Variants in SYNJ1 observed in about 807,000 individuals in gnomAD.
SYNJ1 encodes synaptojanin 1.
In SYNJ1, 78 loss-of-function variants were observed where a neutral mutation model predicts 168.2. That is an observed-to-expected ratio of 0.46 (90% CI 0.39 to 0.56). SYNJ1 has a LOEUF of 0.56. Ranked by LOEUF, SYNJ1 falls within the 20% of genes least tolerant of loss-of-function variation. The probability of loss-of-function intolerance (pLI) is 0.00; values close to 1 mark genes in which losing one functional copy is unlikely to be tolerated. For missense variants in SYNJ1, 1,303 were observed against 1,597.6 expected (o/e 0.82, Z 3.14); for synonymous variants, 539 against 548.6 (o/e 0.98, Z 0.24).
rs2040137064 is a variant in SYNJ1 at position 32,648,010 on chromosome 21, A to C, written c.3038-1408T>G. 2.0e-5 allele frequency among the ~76,000 whole-genome samples: 3 copies of C among 152,172 alleles called. No homozygotes were observed. The South Asian group carries it at 6.2e-4, about 31-fold the overall frequency. On this transcript the variant is annotated intron_variant, in intron 23 of 32. Coordinates refer to ENST00000674351, the MANE Select transcript of SYNJ1 (RefSeq NM_203446.3). ...CTTCACAGAGAAGAGGGAAGTCTTA[A>C]GATGGGAACCCCTACTTCAACAGCC...
intron 13 of SYNJ1, 78 bp downstream of exon 13, chr21:32,676,254 T>A (rs765445824): frequency 1.8e-5 from 21 of 1,186,304 alleles, no homozygotes; most frequent in Non-Finnish European, 2.5e-5. Flanking sequence ...TTATATGGCT[T>A]TATTTGTTTA....
At position 32,700,021 on chromosome 21, in the gene SYNJ1, G is replaced by A; in HGVS notation, c.296C>T (p.Thr99Ile). The A allele has an allele frequency of 6.2e-7, 1 of 1,614,162 alleles. No individual in the cohort carries two copies. Among genetic ancestry groups the A allele is most frequent in the Non-Finnish European group, 8.5e-7 (1 of 1,180,038 alleles). ...TCGCAGTGATATAAACTCAGTGGAA[G>A]TAACTCGGAAAACTTCAGATTCTTG... The part of the protein sequence containing the change: ...KIQESEVFRV[T>I]STEFISLRID... The change falls in exon 4 of 33, where the codon ACT (threonine) becomes ATT (isoleucine). Residue 99 changes from threonine to isoleucine, a missense_variant. Physicochemically the swap from Thr to Ile is moderately conservative, Grantham distance 89. Around this residue, in one of 2 missense-constraint regions of SYNJ1, gnomAD observed 920 missense variants for 1,208.8 expected, o/e 0.76. Coordinates refer to ENST00000674351, the MANE Select transcript of SYNJ1 (RefSeq NM_203446.3).
chr21:32,664,162 C>T (rs547195961), intron 18 of SYNJ1, among the ~76,000 whole-genome samples: 14 of 152,320 alleles, frequency 9.2e-5, no homozygotes, highest in African/African-American at 3.1e-4. Context: ...TGATAAAAAG[C>T]TTCATCACTA....
chr21:32,670,864 G>A, intron 14 of SYNJ1: 1 of 947,924 alleles, frequency 1.1e-6, no homozygotes, highest in Non-Finnish European at 1.3e-6. Flanking sequence ...GGAAAACTAG[G>A]AGAGATCCAG....
chr21:32,713,633 T>A lies in SYNJ1; in HGVS notation c.125-11586A>T, dbSNP rs566955627. On this transcript the variant is annotated intron_variant, in intron 2 of 32. Coordinates refer to ENST00000674351, the MANE Select transcript of SYNJ1 (RefSeq NM_203446.3). The stretch of plus-strand genomic sequence containing the variant: ...ATATGTCAACATGGATGATTTCCCA[T>A]ATGTCAACATGGATGATTTCCCATA... Among the ~76,000 whole-genome samples, 8 of 147,940 alleles carry A rather than the reference T, an allele frequency of 5.4e-5. No individual in the cohort carries two copies. In the East Asian group the frequency reaches 1.4e-3, roughly 26 times the overall value.
intron 4 of SYNJ1, among the ~76,000 whole-genome samples, chr21:32,698,554 T>C (rs1300720551): frequency 6.6e-6 from 1 of 152,194 alleles, no homozygotes; most frequent in Non-Finnish European, 1.5e-5. Context: ...GCACATGATA[T>C]CAAGAGAAAA....
At chr21:32,647,408 T>C (rs2040115754) in intron 23 of SYNJ1, among the ~76,000 whole-genome samples, 3 of 152,212 alleles carry the variant, frequency 2.0e-5, no homozygotes, top group South Asian at 4.1e-4. Flanking sequence ...ACTCGTTCAA[T>C]AGCAAAATGC....
At chr21:32,706,065 G>A (rs1361909604) in intron 2 of SYNJ1, among the ~76,000 whole-genome samples, 2 of 152,098 alleles carry the variant, frequency 1.3e-5, no homozygotes, top group Non-Finnish European at 2.9e-5. Flanking sequence ...AAGACACTAT[G>A]AAAAAAGCAC....
At chr21:32,661,221 C>T (rs545073474) in intron 18 of SYNJ1, among the ~76,000 whole-genome samples, 4 of 152,286 alleles carry the variant, frequency 2.6e-5, no homozygotes, top group African/African-American at 9.6e-5. Flanking sequence ...TAGGCCGGTA[C>T]TTCTACATCT....
At chr21:32,712,031 A>T (rs2042847802) in intron 2 of SYNJ1, among the ~76,000 whole-genome samples, 1 of 152,256 alleles carries the variant, frequency 6.6e-6, no homozygotes, top group South Asian at 2.1e-4. Context: ...TAAATAATAA[A>T]GCCATCCAAA....
intron 32 of SYNJ1, 68 bp from the exon 33 acceptor site, chr21:32,631,869 C>G: frequency 1.5e-6 from 2 of 1,363,478 alleles, no homozygotes; most frequent in Non-Finnish European, 2.0e-6. Flanking sequence ...TTCTTCCTGT[C>G]TCAATTATTC....
At chr21:32,679,396 TGAGTC>T (rs1192899866) in intron 11 of SYNJ1, among the ~76,000 whole-genome samples, 2 of 152,204 alleles carry the variant, frequency 1.3e-5, no homozygotes, top group African/African-American at 4.8e-5. Context: ...TTGTATATTT[TGAGTC>T]ATTTTATTGC....
chr21:32,710,894 A>G (rs778603993), intron 2 of SYNJ1, among the ~76,000 whole-genome samples: 1 of 152,224 alleles, frequency 6.6e-6, no homozygotes, highest in Non-Finnish European at 1.5e-5. Flanking sequence ...TGTTTTCCTT[A>G]TATTCTTCCT....
chr21:32,664,966 A>T lies in SYNJ1; in HGVS notation c.2251T>A (p.Trp751Arg). Residue 751 changes from tryptophan (W) to arginine (R), a missense_variant, in exon 18 of 33, where the codon TGG becomes AGG. Physicochemically the swap from Trp to Arg is moderately radical, Grantham distance 101. Transcript: ENST00000674351. ...TGATCTCCTGCTATAAGAGAATCCC[A>T]ATTTTGCTGTCTTATGAGCTCTTTA... ...EVKELIRQQN[W>R]DSLIAGDQLI... is the part of the protein sequence containing the mutation. 5 of 1,613,522 alleles carry T rather than the reference A, an allele frequency of 3.1e-6. No individual in the cohort carries two copies. The highest frequency in any genetic ancestry group is 4.2e-6 in the Non-Finnish European group (5 of 1,179,668).
intron 23 of SYNJ1, among the ~76,000 whole-genome samples, chr21:32,649,369 ATAT>A (rs1392982431): frequency 6.6e-6 from 1 of 152,232 alleles, no homozygotes; most frequent in Non-Finnish European, 1.5e-5. Context: ...GGGCATTACA[ATAT>A]TATTATAATC....
At chr21:32,709,345 C>T (rs1347619482) in intron 2 of SYNJ1, among the ~76,000 whole-genome samples, 3 of 151,834 alleles carry the variant, frequency 2.0e-5, no homozygotes, top group African/African-American at 2.4e-5. Flanking sequence ...GGCGTGGTGG[C>T]GCACAACTGT....
chr21:32,646,027 T>G (rs763366145), intron 24 of SYNJ1: 12 of 778,084 alleles, frequency 1.5e-5, no homozygotes, highest in Middle Eastern at 4.5e-4. Context: ...TGCTGAAAGC[T>G]AATTTACTAA....
Position 32,686,854 on chromosome 21 carries a change from T to C in SYNJ1, c.948+124A>G, listed in dbSNP as rs567038606. On this transcript the variant is annotated intron_variant, in intron 8 of 32. Transcript: ENST00000674351. ...CCAAAGAGTTCAAGTTTCCAACAAG[T>C]ACCCAACCTTTTTCTTGGAAGTAAT... The C allele has an allele frequency of 1.8e-4, 119 of 652,486 alleles. 1 individual carries two copies. The South Asian group carries it at 2.6e-3, about 14-fold the overall frequency. 40.4% of individuals were successfully genotyped at this position (652,486 alleles called of 1,614,324 possible).
At chr21:32,713,189 T>C (rs1035602808) in intron 2 of SYNJ1, among the ~76,000 whole-genome samples, 8 of 150,816 alleles carry the variant, frequency 5.3e-5, no homozygotes, top group Non-Finnish European at 1.2e-4. Flanking sequence ...TATATCAACA[T>C]GGATGATTTC....
Sources: allele counts gnomAD v4.1 joint callset (sites outside exome capture counted in the v4.1 genomes callset), GRCh38; gene constraint gnomAD v4.1.1; regional missense constraint gnomAD v4.1.1; transcripts MANE v1.5; gene names NCBI Gene and HGNC (gene_info 2026-07-23, HGNC 2026-07-21).